Variants in GLRA2 observed in about 807,000 individuals in gnomAD.
GLRA2 encodes the protein glycine receptor alpha 2.
GLRA2 carries 11 observed loss-of-function variants against 31.6 expected under a neutral mutation model. The observed-to-expected ratio is 0.35, with a 90% CI of 0.22 to 0.58. The LOEUF is 0.58. GLRA2 is among the 20% of genes least tolerant of loss of function. The pLI is 0.84. For synonymous variants in GLRA2, 132 were observed against 134.0 expected (o/e 0.99, Z 0.10); for missense variants, 212 against 351.8 (o/e 0.60, Z 3.18).
At chrX:14,471,226 C>T in the GLRA2 span, among the ~76,000 whole-genome samples, 8 of 111,837 alleles carry the variant, frequency 7.2e-5, no homozygotes, top group East Asian at 2.0e-3. Flanking sequence ...AAATCATGTG[C>T]AAAACAGTAA....
intron 8 of GLRA2, among the ~76,000 whole-genome samples, chrX:14,704,949 G>A (rs2091599329): frequency 8.9e-6 from 1 of 112,034 alleles, no homozygotes; most frequent in Non-Finnish European, 1.9e-5. Flanking sequence ...TGGAGCTGTG[G>A]CAATTCCCAG....
chrX:14,655,594 A>G (rs1226676323), intron 7 of GLRA2, among the ~76,000 whole-genome samples: 1 of 111,894 alleles, frequency 8.9e-6, no homozygotes, highest in Non-Finnish European at 1.9e-5. Context: ...TTTGATGTCC[A>G]CTGTTCCCTA....
At chrX:14,596,132 A>G (rs3027373) in intron 4 of GLRA2, among the ~76,000 whole-genome samples, 22,556 of 109,674 alleles carry the variant, frequency 0.21, 2,155 homozygotes, top group Non-Finnish European at 0.29. Flanking sequence ...GGTTCATTCA[A>G]TGCAGGTTGC....
the GLRA2 span, among the ~76,000 whole-genome samples, chrX:14,465,399 A>G: frequency 2.1e-4 from 24 of 112,332 alleles, no homozygotes; most frequent in African/African-American, 7.1e-4. Flanking sequence ...ATCTGCAAAC[A>G]GAGACAATTC....
At chrX:14,485,150 T>C in the GLRA2 span, among the ~76,000 whole-genome samples, 1 of 112,164 alleles carries the variant, frequency 8.9e-6, no homozygotes, top group East Asian at 2.8e-4. Context: ...ACGTACCTTG[T>C]TCCATCTCCA....
intron 8 of GLRA2, among the ~76,000 whole-genome samples, chrX:14,715,408 T>C (rs1331214154): frequency 1.8e-5 from 2 of 112,329 alleles, no homozygotes; most frequent in East Asian, 5.5e-4. Flanking sequence ...ACTTTATACA[T>C]ATATGCATTC....
chrX:14,621,577 T>C (rs1432348800), intron 7 of GLRA2, among the ~76,000 whole-genome samples: 3 of 110,381 alleles, frequency 2.7e-5, no homozygotes, highest in African/African-American at 9.9e-5. Flanking sequence ...AGTGTTCTCA[T>C]TGTTCAATTC....
chrX:14,502,439 A>G, the GLRA2 span, among the ~76,000 whole-genome samples: 7 of 111,899 alleles, frequency 6.3e-5, no homozygotes, highest in African/African-American at 9.7e-5. Context: ...CAAATGTGAG[A>G]TTTTTATTCA....
chrX:14,476,161 C>T, the GLRA2 span, among the ~76,000 whole-genome samples: 9 of 112,278 alleles, frequency 8.0e-5, no homozygotes, highest in East Asian at 2.5e-3. Flanking sequence ...AGTCCCACTG[C>T]TCTGTATATT....
chrX:14,684,734 C>G (rs897033358), intron 7 of GLRA2, among the ~76,000 whole-genome samples: 1 of 111,602 alleles, frequency 9.0e-6, no homozygotes, highest in African/African-American at 3.3e-5. Context: ...ATGGGGTTTT[C>G]TAAAGATAAA....
chrX:14,581,433 C>T (rs1382362280), intron 4 of GLRA2, 27 bp downstream of exon 4: 9 of 858,055 alleles, frequency 1.0e-5, no homozygotes, highest in East Asian at 3.1e-5. Context: ...TGCACATGTT[C>T]GCATCTCCAT....
intron 6 of GLRA2, among the ~76,000 whole-genome samples, chrX:14,608,003 A>G (rs1040926903): frequency 2.7e-5 from 3 of 111,541 alleles, no homozygotes; most frequent in Non-Finnish European, 5.7e-5. Context: ...TGGAGAGACA[A>G]TCAAGACATG....
At chrX:14,583,089 G>GA (rs780437060) in intron 4 of GLRA2, among the ~76,000 whole-genome samples, 1 of 110,440 alleles carries the variant, frequency 9.1e-6, no homozygotes, top group Non-Finnish European at 1.9e-5. Flanking sequence ...CTAATCATTA[G>GA]AAAAATGCAA....
chrX:14,727,336 A>G (rs966906838), intron 8 of GLRA2, among the ~76,000 whole-genome samples: 1 of 112,151 alleles, frequency 8.9e-6, no homozygotes, highest in Admixed American at 9.5e-5. Flanking sequence ...TTGAAAGAAT[A>G]AGTAGCTTGC....
intron 2 of GLRA2, among the ~76,000 whole-genome samples, chrX:14,571,872 T>C (rs1470733627): frequency 9.0e-6 from 1 of 111,689 alleles, no homozygotes; most frequent in African/African-American, 3.3e-5. Context: ...GGCAACAGGA[T>C]ATTATGAAAT....
chrX:14,652,396 C>A (rs754953034), intron 7 of GLRA2, among the ~76,000 whole-genome samples: 1 of 111,061 alleles, frequency 9.0e-6, no homozygotes, highest in African/African-American at 3.3e-5. Flanking sequence ...CATATATAGG[C>A]GTATCTCATT....
At chrX:14,490,071 G>A in the GLRA2 span, among the ~76,000 whole-genome samples, 2 of 110,791 alleles carry the variant, frequency 1.8e-5, no homozygotes, top group South Asian at 3.9e-4. Context: ...ACTCCCTTAC[G>A]TGTCCCTGGA....
chrX:14,495,693 A>T, the GLRA2 span, among the ~76,000 whole-genome samples: 1 of 109,597 alleles, frequency 9.1e-6, no homozygotes, highest in African/African-American at 3.3e-5. Context: ...TGAAAATATT[A>T]CATATATATA....
chrX:14,540,988 C>T (rs751476445), intron 2 of GLRA2, among the ~76,000 whole-genome samples: 4 of 108,738 alleles, frequency 3.7e-5, no homozygotes, highest in Non-Finnish European at 7.7e-5. Flanking sequence ...GAGAGAGACG[C>T]GGAGGGAGAA....
Sources: allele counts gnomAD v4.1 joint callset (sites outside exome capture counted in the v4.1 genomes callset), GRCh38; gene constraint gnomAD v4.1.1; transcripts MANE v1.5; gene names NCBI Gene and HGNC (gene_info 2026-07-23, HGNC 2026-07-21).